The following SOCS7 variants were observed in gnomAD, a reference collection of about 807,000 sequenced individuals.
The protein encoded by SOCS7 is NAP-4.
In SOCS7, 18 loss-of-function variants were observed where a neutral mutation model predicts 58.9. That is an observed-to-expected ratio of 0.31 (90% CI 0.21 to 0.45). SOCS7 has a LOEUF of 0.45. Among genes scored for constraint, SOCS7 ranks in the 20% least tolerant of loss-of-function variants. The probability of loss-of-function intolerance (pLI) is 1.00; values close to 1 mark genes in which losing one functional copy is unlikely to be tolerated. For missense variants in SOCS7, 667 were observed against 837.3 expected (o/e 0.80, Z 2.51); for synonymous variants, 388 against 364.3 (o/e 1.06, Z -0.74).
rs2038306512 is a variant in SOCS7, at chr17:38,400,622, T to C, written c.*1140T>C. On this transcript the variant is annotated 3_prime_UTR_variant, in exon 10 of 10. Coordinates refer to ENST00000612932, the MANE Select transcript of SOCS7 (RefSeq NM_014598.4). ...ATCGCATCTCACGTTTTTAGGTTTA[T>C]CACTGCCATCCCACTTCTGGGATGG... The C allele has an allele frequency of 6.6e-6, 1 of 152,180 alleles. No homozygotes were observed. The highest frequency in any genetic ancestry group is 2.4e-5 in the African/African-American group (1 of 41,456). The allele number at this position is 152,180 out of a possible 1,614,324, so 9.4% of individuals were successfully genotyped here. A position where few individuals can be genotyped will look rare whatever the true frequency, so the allele number is the denominator to read the frequency against.
At chr17:38,366,178 T>C (rs762676494) in intron 4 of SOCS7, 109 bp from the exon 5 acceptor site, 5 of 1,457,258 alleles carry the variant, frequency 3.4e-6, no homozygotes, top group South Asian at 2.7e-5. Flanking sequence ...CAGCTTAGCT[T>C]CTAATGCCTT....
At chr17:38,364,700 T>A (rs919928932) in intron 2 of SOCS7, 52 bp from the exon 3 acceptor site, 19 of 1,477,214 alleles carry the variant, frequency 1.3e-5, no homozygotes, top group Non-Finnish European at 1.7e-5. Flanking sequence ...GCTTTCTGCA[T>A]CAGCTTTGGG....
At position 38,389,864 on chromosome 17, in the gene SOCS7, TGTAC is replaced by T. The variant is rs1169732586; in HGVS notation, c.1682-5444_1682-5441del. On this transcript the variant is annotated intron_variant, in intron 7 of 9. Transcript: ENST00000612932. ...AATTTTTTTGTTTGGTGTGTATGTG[TGTAC>T]ATATATATATATATGTACATATATA... 8.9e-4 allele frequency among the ~76,000 whole-genome samples: 83 copies of T among 93,142 alleles called. 7 individuals carry two copies. The highest frequency in any genetic ancestry group is 1.5e-3 in the Non-Finnish European group (74 of 50,184). The allele number at this position is 93,142 out of a possible 152,430, so 61.1% of individuals were successfully genotyped here. A position where few individuals can be genotyped will look rare whatever the true frequency, so the allele number is the denominator to read the frequency against.
At chr17:38,373,455 G>C (rs576542173) in intron 6 of SOCS7, among the ~76,000 whole-genome samples, 1 of 152,302 alleles carries the variant, frequency 6.6e-6, no homozygotes, top group Admixed American at 6.5e-5. Flanking sequence ...TTATTAGTAA[G>C]GAAAAGAAGT....
In SOCS7 at chr17:38,395,838, T is replaced by C; in HGVS notation, c.1818-10T>C. ...ACCTTTTGTGTATATCCGTCATTTG[T>C]TTTTCACAGACCTCTGATCTCTTAT... On this transcript the variant is annotated splice_polypyrimidine_tract_variant and intron_variant, in intron 8 of 9. Coordinates refer to ENST00000612932, the MANE Select transcript of SOCS7 (RefSeq NM_014598.4). The C allele has an allele frequency of 2.5e-6, 4 of 1,607,860 alleles. No individual in the cohort carries two copies. The highest frequency in any genetic ancestry group is 3.4e-6 in the Non-Finnish European group (4 of 1,178,416).
intron 9 of SOCS7, among the ~76,000 whole-genome samples, chr17:38,396,649 A>G (rs572933427): frequency 6.6e-6 from 1 of 152,356 alleles, no homozygotes; most frequent in East Asian, 1.9e-4. Flanking sequence ...CCCATAAAAC[A>G]TCTTGCAATA....
intron 7 of SOCS7, among the ~76,000 whole-genome samples, chr17:38,390,077 G>T (rs114316883): frequency 2.0e-5 from 3 of 149,492 alleles, no homozygotes; most frequent in Non-Finnish European, 4.4e-5. Flanking sequence ...GTGAGCCACC[G>T]TACCCAGCCT....
rs909803453 is a variant in SOCS7, at chr17:38,351,944, C to A, written c.-109C>A. 9.9e-5 allele frequency among the ~76,000 whole-genome samples: 15 copies of A among 151,452 alleles called. No individual in the cohort carries two copies. The highest frequency in any genetic ancestry group is 4.6e-4 in the Admixed American group (7 of 15,230). On this transcript the variant is annotated 5_prime_UTR_variant, in exon 1 of 10. Coordinates refer to ENST00000612932, the MANE Select transcript of SOCS7 (RefSeq NM_014598.4). ...TCTATGAGGCAGAGGCCGCGGCGGCCGTTAGCGCTGTCGCTCCGGGGGCCG... is the reference window on the plus strand; with the variant it reads ...TCTATGAGGCAGAGGCCGCGGCGGCAGTTAGCGCTGTCGCTCCGGGGGCCG...
intron 3 of SOCS7, among the ~76,000 whole-genome samples, 154 bp downstream of exon 3, chr17:38,365,010 A>T (rs1181875400): frequency 2.6e-5 from 4 of 152,204 alleles, no homozygotes; most frequent in Non-Finnish European, 5.9e-5. Context: ...TCCCTAAGCA[A>T]TTAAATGGGT....
rs2144428720 is a variant in SOCS7 at position 38,405,555 on chromosome 17, G to A, written c.*6073G>A. 6.6e-6 allele frequency: 1 copy of A among 152,190 alleles called. No individual in the cohort carries two copies. The highest frequency in any genetic ancestry group is 2.1e-4 in the South Asian group (1 of 4,814). 9.4% of individuals were successfully genotyped at this position (152,190 alleles called of 1,614,324 possible). On this transcript the variant is annotated 3_prime_UTR_variant, in exon 10 of 10. Transcript: ENST00000612932. ...TACCTACCCATGTCTTTTTGGGGAGGGGTGAAAAGAGATTTGAAATAAAAA... is the reference window on the plus strand; with the variant it reads ...TACCTACCCATGTCTTTTTGGGGAGAGGTGAAAAGAGATTTGAAATAAAAA...
intron 1 of SOCS7, among the ~76,000 whole-genome samples, chr17:38,359,615 TGAAAA>T (rs2037687916): frequency 6.6e-6 from 1 of 152,078 alleles, no homozygotes; most frequent in Non-Finnish European, 1.5e-5. Context: ...AGTTTATAGT[TGAAAA>T]GAGTTTAAGT....
chr17:38,363,845 A>C (rs587629387), intron 2 of SOCS7, among the ~76,000 whole-genome samples: 1 of 152,312 alleles, frequency 6.6e-6, no homozygotes, highest in Non-Finnish European at 1.5e-5. Flanking sequence ...GAACACCGTA[A>C]GGGCTAAATT....
rs1463453642 is a variant in SOCS7 at position 38,400,312 on chromosome 17, A to C, written c.*830A>C. ...TGTACATGTCACTCTGATCATGGTA[A>C]CAGCATCCCTATTGCTTCTGCCAGC... On this transcript the variant is annotated 3_prime_UTR_variant, in exon 10 of 10. Transcript: ENST00000612932. 1 of 152,166 alleles carries C rather than the reference A, an allele frequency of 6.6e-6. No individual in the cohort carries two copies. The highest frequency in any genetic ancestry group is 2.4e-5 in the African/African-American group (1 of 41,422). The allele number at this position is 152,166 out of a possible 1,614,324, so 9.4% of individuals were successfully genotyped here. A position where few individuals can be genotyped will look rare whatever the true frequency, so the allele number is the denominator to read the frequency against.
rs747742127 is a variant in SOCS7 at position 38,359,577 on chromosome 17, CT to C, written c.981-2131del. On this transcript the variant is annotated intron_variant, in intron 1 of 9. Transcript: ENST00000612932. ...AAAATAGAATTTCATTTTGGATTTTCTTTGCTTTTGCCCCTCTCTATTGGTG... is the reference window on the plus strand; with the variant it reads ...AAAATAGAATTTCATTTTGGATTTTCTTGCTTTTGCCCCTCTCTATTGGTG... 2.6e-5 allele frequency among the ~76,000 whole-genome samples: 4 copies of C among 152,148 alleles called. No homozygotes were observed. The South Asian group carries it at 6.2e-4, about 24-fold the overall frequency.
chr17:38,375,461 C>T (rs940827303), intron 6 of SOCS7, among the ~76,000 whole-genome samples: 5 of 152,092 alleles, frequency 3.3e-5, no homozygotes, highest in Admixed American at 1.3e-4. Context: ...TATATTTTCT[C>T]TTATTTTCTT....
intron 6 of SOCS7, among the ~76,000 whole-genome samples, chr17:38,373,572 T>C (rs1259013351): frequency 1.3e-5 from 2 of 152,212 alleles, no homozygotes; most frequent in Non-Finnish European, 1.5e-5. Flanking sequence ...CTACAGTCTT[T>C]TGGTTGTACA....
At chr17:38,394,444 G>A (rs1197123187) in intron 7 of SOCS7, among the ~76,000 whole-genome samples, 1 of 152,160 alleles carries the variant, frequency 6.6e-6, no homozygotes, top group Non-Finnish European at 1.5e-5. Context: ...GGAATAATAG[G>A]CTTGTTAACT....
chr17:38,381,064 AGT>A (rs1209780032), intron 7 of SOCS7, among the ~76,000 whole-genome samples: 1 of 152,158 alleles, frequency 6.6e-6, no homozygotes, highest in African/African-American at 2.4e-5. Context: ...TGGAAGAGGT[AGT>A]AGTAATCAGA....
intron 7 of SOCS7, among the ~76,000 whole-genome samples, chr17:38,393,497 T>G (rs1200226568): frequency 6.6e-6 from 1 of 151,252 alleles, no homozygotes; most frequent in Non-Finnish European, 1.5e-5. Flanking sequence ...ATTAGCTGGG[T>G]GTGGTGGCGG....
Sources: gnomAD v4.1 joint callset for allele counts (sites outside exome capture counted in the v4.1 genomes callset) on GRCh38, gnomAD v4.1.1 for gene constraint, MANE v1.5 for transcripts, NCBI Gene and HGNC (gene_info 2026-07-23, HGNC 2026-07-21) for gene names.